OGFRL1: variants seen among roughly 807,000 people sequenced by gnomAD.
OGFRL1 encodes the protein opioid growth factor receptor-like protein 1.
In OGFRL1, 26 loss-of-function variants were observed where a neutral mutation model predicts 32.4. The ratio of observed to expected loss-of-function variants is 0.80; its 90% CI spans 0.59 to 1.11. The LOEUF (loss-of-function observed/expected upper bound fraction) is 1.11, where lower values mean the gene tolerates loss of function less well. OGFRL1 is among the 50% of genes most tolerant of loss of function. OGFRL1 has a pLI of 0.00. For missense variants in OGFRL1, 521 were observed against 546.4 expected (o/e 0.95, Z 0.46); for synonymous variants, 211 against 201.2 (o/e 1.05, Z -0.41).
At position 71,303,007 on chromosome 6, in the gene OGFRL1, T is replaced by G. The variant is rs904644634; in HGVS notation, c.*958T>G. 1 of 152,180 alleles carries G rather than the reference T, an allele frequency of 6.6e-6. No individual in the cohort carries two copies. The highest frequency in any genetic ancestry group is 1.5e-5 in the Non-Finnish European group (1 of 68,036). 9.4% of individuals were successfully genotyped at this position (152,180 alleles called of 1,614,324 possible). On this transcript the variant is annotated 3_prime_UTR_variant, in exon 7 of 7. Coordinates refer to ENST00000370435, the MANE Select transcript of OGFRL1 (RefSeq NM_024576.5). ...ATCTTTCTCAGCTAGCGTGTGTGTT[T>G]CTAGTGTAGTTGGCCCTCCATATTC...
In OGFRL1 at chr6:71,289,130, C is replaced by T. The variant is rs1561944578; in HGVS notation, c.194C>T (p.Pro65Leu). The T allele has an allele frequency of 1.8e-6, 2 of 1,106,398 alleles. No homozygotes were observed. Among genetic ancestry groups the T allele is most frequent in the African/African-American group, 3.4e-5 (2 of 59,596 alleles). The allele number at this position is 1,106,398 out of a possible 1,614,324, so 68.5% of individuals were successfully genotyped here. Residue 65 changes from proline (P) to leucine (L), a missense_variant, in exon 1 of 7, where the codon CCC (proline) becomes CTC (leucine). Physicochemically the swap from Pro to Leu is moderately conservative, Grantham distance 98 (BLOSUM62 -3). Transcript: ENST00000370435. ...GCCGGCGGGCGGCCCGGCGCCAGCC[C>T]CGCGCCGGACGAGGACGCCGAGGCG... is the stretch of plus-strand genomic sequence containing the variant. The part of the protein sequence containing the change: ...EQAGGRPGAS[P>L]APDEDAEAAG...
rs1036328368 is a variant in OGFRL1, at chr6:71,304,107, C to A, written c.*2058C>A. 1 of 152,112 alleles carries A rather than the reference C, an allele frequency of 6.6e-6. No individual in the cohort carries two copies. The highest frequency in any genetic ancestry group is 2.4e-5 in the African/African-American group (1 of 41,436). The allele number at this position is 152,112 out of a possible 1,614,324, so 9.4% of individuals were successfully genotyped here. A position where few individuals can be genotyped will look rare whatever the true frequency, so the allele number is the denominator to read the frequency against. ...GTATGCCTCTAGAAATATGATTTTA[C>A]TGCTTTGAAGTTTACATGAAACATG... is the stretch of plus-strand genomic sequence containing the variant. On this transcript the variant is annotated 3_prime_UTR_variant, in exon 7 of 7. Transcript: ENST00000370435.
rs1825 is a variant in OGFRL1, at chr6:71,308,989, A to G, written c.*6940A>G. On this transcript the variant is annotated 3_prime_UTR_variant, in exon 7 of 7. Transcript: ENST00000370435. Reference sequence around the variant, plus strand: ...TCCTGTCATTAAGCATGTATTTTTTATGATTAACACATAAGACTAACATTA... The same window carrying G: ...TCCTGTCATTAAGCATGTATTTTTTGTGATTAACACATAAGACTAACATTA... 7.0e-4 allele frequency: 107 copies of G among 152,276 alleles called. No homozygotes were observed. Among genetic ancestry groups the G allele is most frequent in the African/African-American group, 2.4e-3 (98 of 41,570 alleles). 9.4% of individuals were successfully genotyped at this position (152,276 alleles called of 1,614,324 possible).
chr6:71,298,172 A>G (rs1451558664), intron 6 of OGFRL1, among the ~76,000 whole-genome samples: 1 of 152,084 alleles, frequency 6.6e-6, no homozygotes, highest in Non-Finnish European at 1.5e-5. Flanking sequence ...TAGAAGATCC[A>G]TTAACTCATA....
In OGFRL1 at chr6:71,305,845, G is replaced by A. The variant is rs542739612; in HGVS notation, c.*3796G>A. 12 of 152,148 alleles carry A rather than the reference G, an allele frequency of 7.9e-5. No individual in the cohort carries two copies. The highest frequency in any genetic ancestry group is 2.9e-4 in the African/African-American group (12 of 41,524). The allele number at this position is 152,148 out of a possible 1,614,324, so 9.4% of individuals were successfully genotyped here. ...GTCAAAAATTGGGTTAACCAATGGG[G>A]GGAGAATATTTGGTTAATTGTTTTA... On this transcript the variant is annotated 3_prime_UTR_variant, in exon 7 of 7. Transcript: ENST00000370435.
Position 71,308,739 on chromosome 6 carries a change from T to C in OGFRL1, c.*6690T>C, listed in dbSNP as rs1766630563. The C allele has an allele frequency of 6.6e-6, 1 of 152,186 alleles. No individual in the cohort carries two copies. The highest frequency in any genetic ancestry group is 1.5e-5 in the Non-Finnish European group (1 of 68,020). 9.4% of individuals were successfully genotyped at this position (152,186 alleles called of 1,614,324 possible). A position where few individuals can be genotyped will look rare whatever the true frequency, so the allele number is the denominator to read the frequency against. On this transcript the variant is annotated 3_prime_UTR_variant, in exon 7 of 7. Coordinates refer to ENST00000370435, the MANE Select transcript of OGFRL1 (RefSeq NM_024576.5). Reference sequence around the variant, plus strand: ...GCCAAAAATGTATAAAGAGCAATAGTTTTTGTTGCTTACTGCTGTATTTTA... The same window carrying C: ...GCCAAAAATGTATAAAGAGCAATAGCTTTTGTTGCTTACTGCTGTATTTTA...
intron 1 of OGFRL1, chr6:71,289,548 TAAAAAAAAAAAAAAAAAAAAAAAA>T: frequency 9.3e-6 from 5 of 539,670 alleles, no homozygotes; most frequent in Non-Finnish European, 1.0e-5. Context: ...GTGTTATTGG[TAAAAAAAAAAAAAAAAAAAAAAAA>T]AAAAAAAATT....
rs1418587256 is a variant in OGFRL1 at position 71,296,311 on chromosome 6, A to G, written c.401-6A>G. ...TCTGGTTCATTTTTAAATATTTACT[A>G]TTTAGGTGTTTACATTGAAGAAGTT... On this transcript the variant is annotated splice_region_variant and splice_polypyrimidine_tract_variant and intron_variant, in intron 3 of 6. Transcript: ENST00000370435. The G allele has an allele frequency of 4.5e-6, 7 of 1,557,142 alleles. No homozygotes were observed. Among genetic ancestry groups the G allele is most frequent in the East Asian group, 4.5e-5 (2 of 44,492 alleles).
intron 6 of OGFRL1, among the ~76,000 whole-genome samples, chr6:71,298,439 A>T (rs1209703853): frequency 6.6e-6 from 1 of 152,234 alleles, no homozygotes; most frequent in African/African-American, 2.4e-5. Context: ...TTTGGTTGGA[A>T]TAGCAATCTT....
Position 71,301,640 on chromosome 6 carries a change from G to C in OGFRL1, c.947G>C (p.Arg316Pro). The stretch of plus-strand genomic sequence containing the variant: ...GAGAACTTTATCTGGGGACCGCCTC[G>C]AAAAGAACAGTCGGAGGGAAGCAAA... ...PSENFIWGPP[R>P]KEQSEGSKAQ... Residue 316 changes from arginine (R) to proline (P), a missense_variant, in exon 7 of 7, where the codon CGA (arginine) becomes CCA (proline). By Grantham distance (103) the Arg-to-Pro change is moderately radical. Transcript: ENST00000370435. 1 of 1,614,094 alleles carries C rather than the reference G, an allele frequency of 6.2e-7. No homozygotes were observed. The highest frequency in any genetic ancestry group is 1.1e-5 in the South Asian group (1 of 91,074).
chr6:71,288,895 G>T lies in OGFRL1; in HGVS notation c.-42G>T, dbSNP rs761266295. Reference sequence around the variant, plus strand: ...CCCTAGAGCGCCTGCCGCAGCTTGCGCCCCGCAGCCCCGCAGCCCCGCGCC... The same window carrying T: ...CCCTAGAGCGCCTGCCGCAGCTTGCTCCCCGCAGCCCCGCAGCCCCGCGCC... On this transcript the variant is annotated 5_prime_UTR_variant, in exon 1 of 7. Coordinates refer to ENST00000370435, the MANE Select transcript of OGFRL1 (RefSeq NM_024576.5). 1 of 1,231,016 alleles carries T rather than the reference G, an allele frequency of 8.1e-7. No individual in the cohort carries two copies. Among genetic ancestry groups the T allele is most frequent in the Non-Finnish European group, 1.0e-6 (1 of 970,016 alleles). The allele number at this position is 1,231,016 out of a possible 1,614,324, so 76.3% of individuals were successfully genotyped here.
rs1260583763 is a variant in OGFRL1, at chr6:71,306,730, A to C, written c.*4681A>C. 1 of 152,202 alleles carries C rather than the reference A, an allele frequency of 6.6e-6. No homozygotes were observed. The highest frequency in any genetic ancestry group is 1.5e-5 in the Non-Finnish European group (1 of 68,032). The allele number at this position is 152,202 out of a possible 1,614,324, so 9.4% of individuals were successfully genotyped here. On this transcript the variant is annotated 3_prime_UTR_variant, in exon 7 of 7. Transcript: ENST00000370435. ...GTGTTTAGAGTAAGAAAGACTAACT[A>C]TACTGTCTGTTATATTTATTTATGC...
Position 71,304,310 on chromosome 6 carries a change from TTC to T in OGFRL1, c.*2263_*2264del, listed in dbSNP as rs1224065090. 1 of 152,184 alleles carries T rather than the reference TTC, an allele frequency of 6.6e-6. No homozygotes were observed. The highest frequency in any genetic ancestry group is 6.6e-5 in the Admixed American group (1 of 15,264). 9.4% of individuals were successfully genotyped at this position (152,184 alleles called of 1,614,324 possible). ...TGGCAATCTGCTTTTGCATTTCAATTTCTGTTTTACATGCAAGAAAAACATGG... is the reference window on the plus strand; with the variant it reads ...TGGCAATCTGCTTTTGCATTTCAATTTGTTTTACATGCAAGAAAAACATGG... On this transcript the variant is annotated 3_prime_UTR_variant, in exon 7 of 7. Transcript: ENST00000370435.
rs1258828481 is a variant in OGFRL1 at position 71,305,296 on chromosome 6, CTA to C, written c.*3249_*3250del. On this transcript the variant is annotated 3_prime_UTR_variant, in exon 7 of 7. Transcript: ENST00000370435. ...ATATATCAAAGGAGATTATGTGAAA[CTA>C]TTTTTAAATACTGTAAAGTGACATA... The C allele has an allele frequency of 2.0e-5, 3 of 151,850 alleles. No homozygotes were observed. Among genetic ancestry groups the C allele is most frequent in the Non-Finnish European group, 2.9e-5 (2 of 67,868 alleles). The allele number at this position is 151,850 out of a possible 1,614,324, so 9.4% of individuals were successfully genotyped here. A position where few individuals can be genotyped will look rare whatever the true frequency, so the allele number is the denominator to read the frequency against.
Position 71,301,501 on chromosome 6 carries a change from A to C in OGFRL1, c.808A>C (p.Asn270His), listed in dbSNP as rs1418641270. The C allele has an allele frequency of 6.2e-7, 1 of 1,613,828 alleles. No homozygotes were observed. Among genetic ancestry groups the C allele is most frequent in the Non-Finnish European group, 8.5e-7 (1 of 1,179,974 alleles). The change falls in exon 7 of 7, where the codon AAT becomes CAT. Residue 270 changes from asparagine to histidine, a missense_variant. Asn to His is a moderately conservative substitution (Grantham distance 68, BLOSUM62 1). Coordinates refer to ENST00000370435, the MANE Select transcript of OGFRL1 (RefSeq NM_024576.5). Reference sequence around the variant, plus strand: ...TATTCTTCATGAAGCTCTTGTGGAGAATACTATTCCCAATATTAAGCAGAG... The same window carrying C: ...TATTCTTCATGAAGCTCTTGTGGAGCATACTATTCCCAATATTAAGCAGAG... ...KFILHEALVE[N>H]TIPNIKQSAL... is the part of the protein sequence containing the mutation.
chr6:71,288,962 G>A lies in OGFRL1; in HGVS notation c.26G>A (p.Ser9Asn). 1 of 1,387,556 alleles carries A rather than the reference G, an allele frequency of 7.2e-7. No homozygotes were observed. The highest frequency in any genetic ancestry group is 2.2e-5 in the Admixed American group (1 of 45,578). The allele number at this position is 1,387,556 out of a possible 1,614,324, so 86.0% of individuals were successfully genotyped here. A position where few individuals can be genotyped will look rare whatever the true frequency, so the allele number is the denominator to read the frequency against. ...ATGGGCAACCTGCTCGGCGGGGTCA[G>A]CTTCCGCGAGCCCACCACCGTGGAG... MGNLLGGV[S>N]FREPTTVEDC... Residue 9 changes from serine (S) to asparagine (N), a missense_variant, in exon 1 of 7, where the codon AGC becomes AAC. Transcript: ENST00000370435.
chr6:71,305,845 G>C lies in OGFRL1; in HGVS notation c.*3796G>C, dbSNP rs542739612. 1 of 152,030 alleles carries C rather than the reference G, an allele frequency of 6.6e-6. No individual in the cohort carries two copies. Among genetic ancestry groups the C allele is most frequent in the Non-Finnish European group, 1.5e-5 (1 of 67,982 alleles). The allele number at this position is 152,030 out of a possible 1,614,324, so 9.4% of individuals were successfully genotyped here. A position where few individuals can be genotyped will look rare whatever the true frequency, so the allele number is the denominator to read the frequency against. ...GTCAAAAATTGGGTTAACCAATGGG[G>C]GGAGAATATTTGGTTAATTGTTTTA... On this transcript the variant is annotated 3_prime_UTR_variant, in exon 7 of 7. Coordinates refer to ENST00000370435, the MANE Select transcript of OGFRL1 (RefSeq NM_024576.5).
At chr6:71,296,173 G>T (rs1316585593) in intron 3 of OGFRL1, 144 bp from the exon 4 acceptor site, 2 of 601,032 alleles carry the variant, frequency 3.3e-6, no homozygotes, top group Admixed American at 3.1e-5. Flanking sequence ...TGGGCATAGG[G>T]TATTCATCTT....
chr6:71,289,299 C>G, intron 1 of OGFRL1, 129 bp downstream of exon 1: 3 of 1,010,196 alleles, frequency 3.0e-6, no homozygotes, highest in Non-Finnish European at 3.5e-6. Flanking sequence ...CGACCCGACC[C>G]CTCCGCGCCG....
Sources: gnomAD v4.1 joint callset for allele counts (sites outside exome capture counted in the v4.1 genomes callset) on GRCh38, gnomAD v4.1.1 for gene constraint, MANE v1.5 for transcripts, NCBI Gene and HGNC (gene_info 2026-07-23, HGNC 2026-07-21) for gene names.